Variants in TGFBI observed in about 807,000 individuals in gnomAD.
The protein encoded by TGFBI is transforming growth factor-beta-induced protein ig-h3.
A neutral mutation model predicts 73.7 loss-of-function variants in TGFBI; 50 were observed. The ratio of observed to expected loss-of-function variants is 0.68; its 90% CI spans 0.54 to 0.86. The LOEUF (loss-of-function observed/expected upper bound fraction) is 0.86. Among genes scored for constraint, TGFBI ranks in the 40% least tolerant of loss-of-function variants. TGFBI has a pLI of 0.00. For missense variants in TGFBI, 839 were observed against 877.0 expected (o/e 0.96, Z 0.55); for synonymous variants, 362 against 360.5 (o/e 1.00, Z -0.05).
intron 7 of TGFBI, among the ~76,000 whole-genome samples, chr5:136,050,200 G>A (rs1477805014): frequency 1.3e-5 from 2 of 152,092 alleles, no homozygotes; most frequent in Non-Finnish European, 2.9e-5. Context: ...GGGCATGGTG[G>A]TGGGCACCTG....
chr5:136,032,072 G>A (rs1024449874), intron 1 of TGFBI, among the ~76,000 whole-genome samples: 8 of 152,134 alleles, frequency 5.3e-5, no homozygotes, highest in African/African-American at 1.9e-4. Flanking sequence ...TAGGACCGGG[G>A]GCTGGAGTAT....
intron 1 of TGFBI, among the ~76,000 whole-genome samples, chr5:136,030,667 C>T (rs1383585879): frequency 6.6e-6 from 1 of 152,182 alleles, no homozygotes; most frequent in Non-Finnish European, 1.5e-5. Context: ...CATCAAAATG[C>T]AAGCACCTGG....
chr5:136,029,613 C>T (rs1381744521), intron 1 of TGFBI, among the ~76,000 whole-genome samples: 1 of 152,228 alleles, frequency 6.6e-6, no homozygotes, highest in African/African-American at 2.4e-5. Context: ...CGGCCAGCGA[C>T]TCCAGACAAG....
chr5:136,029,173 C>CG lies in TGFBI; in HGVS notation c.122dup (p.Arg42ProfsTer17). Reference sequence around the variant, plus strand: ...GCTGGTGCTGCAGCACAGCAGGCTCCGGGGCCGCCAGCACGGGTAAGCCGA... The same window carrying CG: ...GCTGGTGCTGCAGCACAGCAGGCTCCGGGGGCCGCCAGCACGGGTAAGCCGA... On this transcript the variant is annotated frameshift_variant, in exon 1 of 17. Transcript: ENST00000442011. LOFTEE classifies it high-confidence loss of function. 1 of 1,511,378 alleles carries CG rather than the reference C, an allele frequency of 6.6e-7. No individual in the cohort carries two copies. Among genetic ancestry groups the CG allele is most frequent in the South Asian group, 1.2e-5 (1 of 81,750 alleles). The allele number at this position is 1,511,378 out of a possible 1,614,324, so 93.6% of individuals were successfully genotyped here.
chr5:136,043,203 C>A (rs1305457935), intron 2 of TGFBI, among the ~76,000 whole-genome samples: 1 of 152,158 alleles, frequency 6.6e-6, no homozygotes, highest in Admixed American at 6.5e-5. Flanking sequence ...TGGTTTTAAG[C>A]AAGTCTTTCT....
intron 1 of TGFBI, 68 bp downstream of exon 1, chr5:136,029,257 G>A (rs1751064666): frequency 2.9e-6 from 4 of 1,400,336 alleles, no homozygotes; most frequent in East Asian, 2.9e-5. Flanking sequence ...GCAAGCCGCT[G>A]GGGGCATTGA....
chr5:136,032,994 C>T (rs971394546), intron 1 of TGFBI, among the ~76,000 whole-genome samples: 5 of 152,140 alleles, frequency 3.3e-5, no homozygotes, highest in Non-Finnish European at 5.9e-5. Flanking sequence ...GCAGTATTTT[C>T]AACAAGTTCA....
At chr5:136,043,510 C>T (rs1411414404) in intron 2 of TGFBI, among the ~76,000 whole-genome samples, 1 of 152,162 alleles carries the variant, frequency 6.6e-6, no homozygotes. Context: ...ATATTCCCCT[C>T]TTTGGCTATT....
chr5:136,038,295 C>G (rs1281601291), intron 2 of TGFBI, among the ~76,000 whole-genome samples: 1 of 152,210 alleles, frequency 6.6e-6, no homozygotes, highest in African/African-American at 2.4e-5. Context: ...ATCCTAATCT[C>G]TAATTCTGTA....
chr5:136,049,288 C>T (rs1751490088), intron 6 of TGFBI, 151 bp from the exon 7 acceptor site: 2 of 1,065,220 alleles, frequency 1.9e-6, no homozygotes, highest in African/African-American at 1.6e-5. Flanking sequence ...GGGCCATGGT[C>T]ATGGGTGAGC....
In TGFBI at chr5:136,056,065, C is replaced by T. The variant is rs189998974; in HGVS notation, c.1547+249C>T. Among the ~76,000 whole-genome samples, 4 of 152,158 alleles carry T rather than the reference C, an allele frequency of 2.6e-5. No homozygotes were observed. In the East Asian group the frequency reaches 5.8e-4, roughly 22 times the overall value. On this transcript the variant is annotated intron_variant, in intron 11 of 16. Coordinates refer to ENST00000442011, the MANE Select transcript of TGFBI (RefSeq NM_000358.3). Reference sequence around the variant, plus strand: ...CATGGGAAGCAGGGAGGGGGGACTACATTTTTATGACTGAAGTGCAAGGAA... The same window carrying T: ...CATGGGAAGCAGGGAGGGGGGACTATATTTTTATGACTGAAGTGCAAGGAA...
rs1167858587 is a variant in TGFBI, at chr5:136,047,330, G to T, written c.681G>T (p.Gly227=). 1.2e-6 allele frequency: 2 copies of T among 1,613,716 alleles called. No homozygotes were observed. Among genetic ancestry groups the T allele is most frequent in the African/African-American group, 1.3e-5 (1 of 74,864 alleles). ...AAGCCGACCACCATGCAACCAACGG[G>T]GTGGTGCACCTCATCGATAAGGTCA... The part of the protein sequence containing the change: ...LLKADHHATN[G]VVHLIDKVIS... Residue 227 remains glycine (G), a synonymous_variant, in exon 6 of 17, where the codon GGG becomes GGT. Coordinates refer to ENST00000442011, the MANE Select transcript of TGFBI (RefSeq NM_000358.3).
In TGFBI at chr5:136,054,780, G is replaced by A; in HGVS notation, c.1329G>A (p.Gln443=). The A allele has an allele frequency of 6.2e-7, 1 of 1,613,924 alleles. No individual in the cohort carries two copies. Among genetic ancestry groups the A allele is most frequent in the Non-Finnish European group, 8.5e-7 (1 of 1,179,892 alleles). ...NLLRNHIIKD[Q]LASKYLYHGQ... Reference sequence around the variant, plus strand: ...TTCGGAACCACATAATTAAAGACCAGCTGGCCTCTAAGTATCTGTACCATG... The same window carrying A: ...TTCGGAACCACATAATTAAAGACCAACTGGCCTCTAAGTATCTGTACCATG... The change falls in exon 10 of 17, where the codon CAG becomes CAA. Residue 443 remains glutamine, a synonymous_variant. Coordinates refer to ENST00000442011, the MANE Select transcript of TGFBI (RefSeq NM_000358.3).
chr5:136,052,238 A>G (rs1368445759), intron 7 of TGFBI, among the ~76,000 whole-genome samples: 1 of 152,244 alleles, frequency 6.6e-6, no homozygotes, highest in Non-Finnish European at 1.5e-5. Flanking sequence ...CAAATAAATT[A>G]TTATACTTAC....
intron 5 of TGFBI, 61 bp from the exon 6 acceptor site, chr5:136,047,212 CG>C (rs1751445686): frequency 2.5e-6 from 4 of 1,596,694 alleles, no homozygotes; most frequent in Non-Finnish European, 3.4e-6. Flanking sequence ...TTTCTCCTCC[CG>C]GGGCTTTGGG....
intron 15 of TGFBI, 117 bp from the exon 16 acceptor site, chr5:136,062,546 C>T (rs1751766053): frequency 3.7e-6 from 4 of 1,081,586 alleles, no homozygotes; most frequent in South Asian, 2.7e-5. Flanking sequence ...CTTCCCCTTC[C>T]TCTTCCTCGC....
chr5:136,049,617 T>C (rs774492244), intron 7 of TGFBI, 37 bp downstream of exon 7: 86 of 1,598,348 alleles, frequency 5.4e-5, no homozygotes, highest in African/African-American at 6.7e-5. Context: ...GCCTCATTTG[T>C]GCAGCTAGAT....
Position 136,062,329 on chromosome 5 carries a change from G to A in TGFBI, c.1987-334G>A, listed in dbSNP as rs554593451. Among the ~76,000 whole-genome samples, 45 of 152,104 alleles carry A rather than the reference G, an allele frequency of 3.0e-4. No homozygotes were observed. The South Asian group carries it at 7.7e-3, about 26-fold the overall frequency. ...ACACAGGGGTCTCCTTAGTGCCCTCGAGAAGGATTCTTGGCCCTGAGCTTC... is the reference window on the plus strand; with the variant it reads ...ACACAGGGGTCTCCTTAGTGCCCTCAAGAAGGATTCTTGGCCCTGAGCTTC... On this transcript the variant is annotated intron_variant, in intron 15 of 16. Transcript: ENST00000442011.
intron 9 of TGFBI, 182 bp from the exon 10 acceptor site, chr5:136,054,534 A>T (rs897962819): frequency 2.2e-6 from 2 of 910,646 alleles, no homozygotes; most frequent in Non-Finnish European, 1.8e-6. Flanking sequence ...GATTATCTGG[A>T]TCTTCTTTAA....
Sources: gnomAD v4.1 joint callset for allele counts (sites outside exome capture counted in the v4.1 genomes callset) on GRCh38, gnomAD v4.1.1 for gene constraint, MANE v1.5 for transcripts, NCBI Gene and HGNC (gene_info 2026-07-23, HGNC 2026-07-21) for gene names.